The following AASDH variants were observed in gnomAD, a reference collection of about 807,000 sequenced individuals.
AASDH encodes the protein aminoadipate-semialdehyde dehydrogenase.
Under a neutral mutation model 102.3 loss-of-function variants are expected in AASDH, and 81 were observed. That is an observed-to-expected ratio of 0.79 (90% CI 0.66 to 0.95). The LOEUF (loss-of-function observed/expected upper bound fraction) is 0.95. Among genes scored for constraint, AASDH ranks in the 40% least tolerant of loss-of-function variants. The pLI, the probability that AASDH is intolerant of heterozygous loss-of-function variation, is 0.00. For missense variants in AASDH, 1,203 were observed against 1,266.2 expected (o/e 0.95, Z 0.76); for synonymous variants, 398 against 454.0 (o/e 0.88, Z 1.57).
rs140137920 is a variant in AASDH, at chr4:56,338,456, C to T, written c.3243G>A (p.Gly1081=). The change falls in exon 15 of 15, where the codon GGG becomes GGA. Residue 1081 remains glycine, a synonymous_variant. Transcript: ENST00000205214. ...GACAATAAACATAATTATCTCTACACCCAATAATGAGCATTGATTCCAGGA... is the reference window on the plus strand; with the variant it reads ...GACAATAAACATAATTATCTCTACATCCAATAATGAGCATTGATTCCAGGA... ...PVVLESMLII[G]CRDNYVYCLD... is the part of the protein sequence containing the mutation. The T allele has an allele frequency of 1.3e-3, 2,161 of 1,613,988 alleles. 1 individual carries two copies. The highest frequency in any genetic ancestry group is 1.3e-3 in the Non-Finnish European group (1,511 of 1,179,934).
At chr4:56,344,605 A>G (rs971874252) in intron 12 of AASDH, among the ~76,000 whole-genome samples, 1 of 152,134 alleles carries the variant, frequency 6.6e-6, no homozygotes, top group Non-Finnish European at 1.5e-5. Flanking sequence ...TAATTCTTAC[A>G]TAACATTTTA....
At chr4:56,370,318 T>G (rs907867637) in intron 5 of AASDH, among the ~76,000 whole-genome samples, 105 of 150,854 alleles carry the variant, frequency 7.0e-4, no homozygotes, top group Non-Finnish European at 1.2e-4. Context: ...ATCACGCCAC[T>G]TCACTGCAGC....
chr4:56,338,935 G>GAA, intron 14 of AASDH, 144 bp from the exon 15 acceptor site: 1 of 788,026 alleles, frequency 1.3e-6, no homozygotes, highest in South Asian at 1.9e-5. Flanking sequence ...GGCTTTTTCT[G>GAA]AAAAGTAGCA....
Position 56,356,534 on chromosome 4 carries a change from T to C in AASDH, c.862-1111A>G, listed in dbSNP as rs188765867. 5,345 of 905,316 alleles carry C rather than the reference T, an allele frequency of 5.9e-3. 37 individuals are homozygous for C. The highest frequency in any genetic ancestry group is 0.025 in the Middle Eastern group (76 of 3,068). 56.1% of individuals were successfully genotyped at this position (905,316 alleles called of 1,614,324 possible). On this transcript the variant is annotated intron_variant, in intron 5 of 14. Coordinates refer to ENST00000205214, the MANE Select transcript of AASDH (RefSeq NM_181806.4). ...GGGATGTCCCCAGTAAGAGACCACC[T>C]GTCCTTCGAGCAGGAGTTAACACCA...
At chr4:56,374,662 T>C (rs1446222276) in intron 4 of AASDH, among the ~76,000 whole-genome samples, 2 of 152,180 alleles carry the variant, frequency 1.3e-5, no homozygotes, top group Non-Finnish European at 2.9e-5. Flanking sequence ...AATTTACAAA[T>C]ACATTTAAAT....
At chr4:56,367,945 G>T (rs950247585) in intron 5 of AASDH, among the ~76,000 whole-genome samples, 5 of 152,026 alleles carry the variant, frequency 3.3e-5, no homozygotes, top group African/African-American at 1.2e-4. Context: ...TACAGAATGG[G>T]AGAAGATTTC....
At position 56,349,782 on chromosome 4, in the gene AASDH, T is replaced by TG; in HGVS notation, c.1968dup (p.Ser657GlnfsTer18). On this transcript the variant is annotated frameshift_variant, in exon 11 of 15. Coordinates refer to ENST00000205214, the MANE Select transcript of AASDH (RefSeq NM_181806.4). LOFTEE classifies it high-confidence loss of function. ...GCTTTCTGATGTAAAGATGTTCCAC[T>TG]GGCTTCCTCTTGATTAATGTCGCTG... 6.2e-7 allele frequency: 1 copy of TG among 1,614,244 alleles called. No homozygotes were observed. The highest frequency in any genetic ancestry group is 8.5e-7 in the Non-Finnish European group (1 of 1,180,036).
At chr4:56,340,011 A>G (rs1037402951) in intron 14 of AASDH, among the ~76,000 whole-genome samples, 17 of 152,038 alleles carry the variant, frequency 1.1e-4, no homozygotes, top group African/African-American at 4.1e-4. Context: ...TCTACTAAAA[A>G]TACAAAAATT....
chr4:56,368,309 G>A (rs1047267606), intron 5 of AASDH, among the ~76,000 whole-genome samples: 61 of 152,250 alleles, frequency 4.0e-4, no homozygotes, highest in South Asian at 1.0e-3. Flanking sequence ...AAGTCAGTGT[G>A]GCGATTCCTC....
intron 5 of AASDH, among the ~76,000 whole-genome samples, 175 bp from the exon 6 acceptor site, chr4:56,355,598 T>G (rs962352745): frequency 3.4e-5 from 5 of 149,146 alleles, no homozygotes; most frequent in Admixed American, 2.7e-4. Flanking sequence ...TTCTTGTTTT[T>G]TTTTTTTTTT....
intron 4 of AASDH, among the ~76,000 whole-genome samples, chr4:56,376,518 G>A (rs1156233613): frequency 6.6e-6 from 1 of 151,990 alleles, no homozygotes; most frequent in Non-Finnish European, 1.5e-5. Flanking sequence ...CTATATTGTC[G>A]ATTACAACAG....
chr4:56,371,467 C>A lies in AASDH; in HGVS notation c.845G>T (p.Arg282Ile). The change falls in exon 5 of 15, where the codon AGA (arginine) becomes ATA (isoleucine). Residue 282 changes from arginine to isoleucine, a missense_variant. Transcript: ENST00000205214. ...AAAATGTACCTGCAAAACAGTCACT[C>A]TATGATGGGAAAAGAGAACGCTGGC... ...KLASVLFSHH[R>I]VTVLQATPTL... The A allele has an allele frequency of 1.2e-6, 2 of 1,611,436 alleles. No homozygotes were observed. The highest frequency in any genetic ancestry group is 8.5e-7 in the Non-Finnish European group (1 of 1,179,494).
intron 5 of AASDH, among the ~76,000 whole-genome samples, chr4:56,364,620 G>A (rs1446477168): frequency 1.3e-5 from 2 of 152,130 alleles, no homozygotes; most frequent in Admixed American, 6.6e-5. Flanking sequence ...GCCAAACTAA[G>A]CTTCATAAGT....
chr4:56,353,703 G>A (rs1749258903), intron 8 of AASDH, 107 bp from the exon 9 acceptor site: 1 of 1,016,952 alleles, frequency 9.8e-7, no homozygotes, highest in Non-Finnish European at 1.4e-6. Flanking sequence ...TTAAATTTTG[G>A]AATATACTGG....
chr4:56,365,035 A>C (rs902042762), intron 5 of AASDH, among the ~76,000 whole-genome samples: 28 of 152,210 alleles, frequency 1.8e-4, no homozygotes, highest in Non-Finnish European at 3.1e-4. Context: ...TCTACCAAGC[A>C]AATGGAAAAC....
intron 11 of AASDH, among the ~76,000 whole-genome samples, chr4:56,348,018 G>A (rs1413209296): frequency 6.6e-6 from 1 of 151,970 alleles, no homozygotes; most frequent in Non-Finnish European, 1.5e-5. Context: ...GGGTGTGGTG[G>A]TATGTGCCTG....
At chr4:56,355,121 G>A in intron 6 of AASDH, 61 bp downstream of exon 6, 1 of 1,534,800 alleles carries the variant, frequency 6.5e-7, no homozygotes, top group Non-Finnish European at 8.8e-7. Flanking sequence ...AACACTGTCA[G>A]TGTTAAGATC....
At chr4:56,366,958 A>G (rs969791958) in intron 5 of AASDH, among the ~76,000 whole-genome samples, 3 of 152,160 alleles carry the variant, frequency 2.0e-5, no homozygotes, top group Non-Finnish European at 2.9e-5. Flanking sequence ...ACATGATTGT[A>G]TATCCAGAAA....
At position 56,349,392 on chromosome 4, in the gene AASDH, T is replaced by A; in HGVS notation, c.2359A>T (p.Ile787Phe). 1 of 1,614,184 alleles carries A rather than the reference T, an allele frequency of 6.2e-7. No homozygotes were observed. Residue 787 changes from isoleucine to phenylalanine, a missense_variant, in exon 11 of 15, where the codon ATT becomes TTT. By Grantham distance (21) the Ile-to-Phe change is conservative. Transcript: ENST00000205214. ...TTCATTCTATGAGAATGGGAACCAA[T>A]GTACACAGTTGTAGATGACTTATCA... The part of the protein sequence containing the change: ...TFDKSSTTVY[I>F]GSHSHRMKAV...
Sources: allele counts gnomAD v4.1 joint callset (sites outside exome capture counted in the v4.1 genomes callset), GRCh38; gene constraint gnomAD v4.1.1; transcripts MANE v1.5; gene names NCBI Gene and HGNC (gene_info 2026-07-23, HGNC 2026-07-21).